The following PXDN variants were observed in gnomAD, a reference collection of about 807,000 sequenced individuals.
The protein encoded by PXDN is peroxidasin homolog.
A neutral mutation model predicts 140.3 loss-of-function variants in PXDN; 77 were observed. The ratio of observed to expected loss-of-function variants is 0.55; its 90% CI spans 0.46 to 0.66. The LOEUF (loss-of-function observed/expected upper bound fraction) is 0.66. Among genes scored for constraint, PXDN ranks in the 30% least tolerant of loss-of-function variants. The pLI is 0.00. For missense variants in PXDN, 1,838 were observed against 2,039.5 expected (o/e 0.90, Z 1.90); for synonymous variants, 911 against 857.4 (o/e 1.06, Z -1.09).
chr2:1,668,038 C>T (rs758605426), intron 9 of PXDN, among the ~76,000 whole-genome samples: 3 of 152,190 alleles, frequency 2.0e-5, no homozygotes, highest in African/African-American at 4.8e-5. Flanking sequence ...ATCACACTAC[C>T]TAACTTCAAA....
intron 16 of PXDN, chr2:1,652,936 G>C (rs984062245): frequency 2.1e-5 from 3 of 140,506 alleles, no homozygotes; most frequent in African/African-American, 8.0e-5. Flanking sequence ...TGCTCTGTGT[G>C]TGTGTGTGTG....
intron 14 of PXDN, among the ~76,000 whole-genome samples, chr2:1,658,038 C>A (rs1558494234): frequency 1.7e-4 from 4 of 23,794 alleles, no homozygotes; most frequent in Non-Finnish European, 2.9e-4. Context: ...CTCTCTCTCT[C>A]TCTCTCTCTC....
chr2:1,678,714 A>G (rs532148865), intron 7 of PXDN, among the ~76,000 whole-genome samples: 1 of 152,162 alleles, frequency 6.6e-6, no homozygotes, highest in Non-Finnish European at 1.5e-5. Context: ...GGCCCCCCTG[A>G]GCACCGAGGG....
At chr2:1,652,930 C>CTGTG (rs34590232) in intron 16 of PXDN, 18,827 of 149,152 alleles carry the variant, frequency 0.13, 1,337 homozygotes, top group East Asian at 0.25. Context: ...CCTCCGTGCT[C>CTGTG]TGTGTGTGTG....
At chr2:1,637,715 C>A (rs1446804745) in intron 21 of PXDN, among the ~76,000 whole-genome samples, 1 of 131,242 alleles carries the variant, frequency 7.6e-6, no homozygotes. Context: ...TGACAGCTGC[C>A]TGGGGGATGT....
intron 1 of PXDN, among the ~76,000 whole-genome samples, chr2:1,725,623 C>A (rs1374579481): frequency 6.6e-6 from 1 of 152,084 alleles, no homozygotes; most frequent in Non-Finnish European, 1.5e-5. Flanking sequence ...AACAAACTAC[C>A]ATCAGAGTGA....
At chr2:1,710,591 CCACCAGCACCCA>C (rs1684733124) in intron 1 of PXDN, among the ~76,000 whole-genome samples, 3 of 113,010 alleles carry the variant, frequency 2.7e-5, no homozygotes, top group African/African-American at 8.8e-5. Context: ...AGCACCCTCT[CCACCAGCACCCA>C]CTCTCCACCA....
intron 3 of PXDN, among the ~76,000 whole-genome samples, chr2:1,691,106 A>T (rs538620239): frequency 5.8e-5 from 8 of 138,522 alleles, no homozygotes; most frequent in African/African-American, 2.1e-4. Context: ...AAAGTAAAAT[A>T]AAAAAAAATC....
intron 2 of PXDN, 40 bp downstream of exon 2, chr2:1,693,023 C>A (rs1436126799): frequency 1.4e-6 from 2 of 1,470,524 alleles, no homozygotes; most frequent in Admixed American, 2.0e-5. Flanking sequence ...GTAATGATTT[C>A]TATTTTTCTA....
chr2:1,675,728 C>T (rs1189822678), intron 8 of PXDN, among the ~76,000 whole-genome samples: 5 of 152,126 alleles, frequency 3.3e-5, no homozygotes. Context: ...GCCCGAGAGC[C>T]AAGCCCAGCC....
At chr2:1,641,058 C>A (rs1682716429) in intron 19 of PXDN, among the ~76,000 whole-genome samples, 1 of 152,244 alleles carries the variant, frequency 6.6e-6, no homozygotes, top group Admixed American at 6.5e-5. Context: ...GCTTCCCAGA[C>A]CTAGTGCAGA....
intron 15 of PXDN, 85 bp downstream of exon 15, chr2:1,654,315 G>T: frequency 2.2e-6 from 2 of 892,724 alleles, no homozygotes; most frequent in South Asian, 3.2e-5. Context: ...TCATATATTA[G>T]AACTGCATGC....
intron 1 of PXDN, among the ~76,000 whole-genome samples, chr2:1,715,889 A>G (rs149812873): frequency 2.0e-4 from 31 of 152,340 alleles, no homozygotes; most frequent in African/African-American, 5.3e-4. Flanking sequence ...CCAGCAAACA[A>G]TACAGCCCTC....
At chr2:1,686,097 A>C (rs1167877461) in intron 4 of PXDN, among the ~76,000 whole-genome samples, 3 of 139,006 alleles carry the variant, frequency 2.2e-5, no homozygotes, top group African/African-American at 7.4e-5. Context: ...GATCCGGGGA[A>C]GGGGTGCAGT....
intron 1 of PXDN, among the ~76,000 whole-genome samples, chr2:1,726,059 C>T (rs1685174284): frequency 6.6e-6 from 1 of 151,664 alleles, no homozygotes; most frequent in Admixed American, 6.6e-5. Flanking sequence ...ACCATTTGAC[C>T]CAGCCATCCC....
Position 1,714,808 on chromosome 2 carries a change from G to C in PXDN, c.201-21674C>G, listed in dbSNP as rs1684858870. On this transcript the variant is annotated intron_variant, in intron 1 of 22. Coordinates refer to ENST00000252804, the MANE Select transcript of PXDN (RefSeq NM_012293.3). This position sits in a 1 kb window ranked among gnomAD's most constrained non-coding sequence, Gnocchi z 4.3. Reference sequence around the variant, plus strand: ...ATAGCTCTTGGGCCGGACAAACCAGGCCTGGGTCAGATGGGGCCCCTGGCC... The same window carrying C: ...ATAGCTCTTGGGCCGGACAAACCAGCCCTGGGTCAGATGGGGCCCCTGGCC... Among the ~76,000 whole-genome samples the C allele has an allele frequency of 6.6e-6, 1 of 152,172 alleles. No individual in the cohort carries two copies. Among genetic ancestry groups the C allele is most frequent in the South Asian group, 2.1e-4 (1 of 4,826 alleles).
At chr2:1,743,263 G>A (rs1685589503) in intron 1 of PXDN, among the ~76,000 whole-genome samples, 1 of 152,236 alleles carries the variant, frequency 6.6e-6, no homozygotes, top group Non-Finnish European at 1.5e-5. Flanking sequence ...CAACGCATCC[G>A]GTTAAACGTA....
At chr2:1,671,898 T>G (rs867812195) in intron 9 of PXDN, 10 of 152,232 alleles carry the variant, frequency 6.6e-5, no homozygotes, top group African/African-American at 2.4e-4. Context: ...GAAGAATGGG[T>G]GTGGTCATGC....
Position 1,693,151 on chromosome 2 carries a change from A to T in PXDN, c.201-17T>A, listed in dbSNP as rs1187940203. 16 of 1,534,258 alleles carry T rather than the reference A, an allele frequency of 1.0e-5. No individual in the cohort carries two copies. Among genetic ancestry groups the T allele is most frequent in the Non-Finnish European group, 1.4e-5 (16 of 1,134,556 alleles). On this transcript the variant is annotated splice_polypyrimidine_tract_variant and intron_variant, in intron 1 of 22. Transcript: ENST00000252804. ...CGAAGATCTCTGTGAAGAAACAAGA[A>T]AGGTATTATTACGTGAAAAAAAATC... is the stretch of plus-strand genomic sequence containing the variant.
Sources: gnomAD v4.1 joint callset for allele counts (sites outside exome capture counted in the v4.1 genomes callset) on GRCh38, gnomAD v4.1.1 for gene constraint, Gnocchi (gnomAD v3.1) non-coding constraint, MANE v1.5 for transcripts, NCBI Gene and HGNC (gene_info 2026-07-23, HGNC 2026-07-21) for gene names.